GOLGA2: variants seen among roughly 807,000 people sequenced by gnomAD.
GOLGA2 encodes the protein golgin subfamily A member 2.
In GOLGA2, 49 loss-of-function variants were observed where a neutral mutation model predicts 148.8. The ratio of observed to expected loss-of-function variants is 0.33; its 90% confidence interval spans 0.26 to 0.42. The LOEUF is 0.42. Among genes scored for constraint, GOLGA2 ranks in the 10% least tolerant of loss-of-function variants. GOLGA2 has a pLI of 1.00. For missense variants in GOLGA2, 1,178 were observed against 1,304.6 expected (o/e 0.90, Z 1.49); for synonymous variants, 501 against 511.8 (o/e 0.98, Z 0.28).
intron 1 of GOLGA2, chr9:128,275,522 G>C (rs953766859): frequency 7.7e-7 from 1 of 1,302,190 alleles, no homozygotes; most frequent in Non-Finnish European, 9.8e-7. Context: ...GGAGCGGGGG[G>C]CCCCGGGAGT....
Position 128,257,287 on chromosome 9 carries a change from G to A in GOLGA2, c.2876-6C>T, listed in dbSNP as rs779583685. The A allele has an allele frequency of 3.1e-6, 5 of 1,612,018 alleles. No individual in the cohort carries two copies. The highest frequency in any genetic ancestry group is 3.7e-4 in the Middle Eastern group (2 of 5,368). On this transcript the variant is annotated splice_region_variant and splice_polypyrimidine_tract_variant and intron_variant, in intron 26 of 26. Transcript: ENST00000611957. The surrounding 1 kb of genome is among the most constrained non-coding windows in gnomAD (Gnocchi z 8.0). ...GAGGCTCACCTCGCAAAGATCTTTG[G>A]AGAGAGAGAGGCAGGGCTCTGAGTG...
rs1465805844 is a variant in GOLGA2 at position 128,258,590 on chromosome 9, G to A, written c.2174-20C>T. 1.3e-6 allele frequency: 2 copies of A among 1,534,258 alleles called. No homozygotes were observed. The highest frequency in any genetic ancestry group is 1.8e-6 in the Non-Finnish European group (2 of 1,134,366). On this transcript the variant is annotated intron_variant, in intron 21 of 26. Coordinates refer to ENST00000611957, the MANE Select transcript of GOLGA2 (RefSeq NM_001366244.2). The surrounding 1 kb of genome is among the most constrained non-coding windows in gnomAD (Gnocchi z 6.6). ...CATCTCCTATGGGGGTGGCCAGAGGGGTCATCAGACAACCCAACAAGGGTA... is the reference window on the plus strand; with the variant it reads ...CATCTCCTATGGGGGTGGCCAGAGGAGTCATCAGACAACCCAACAAGGGTA...
chr9:128,257,815 C>G lies in GOLGA2; in HGVS notation c.2586G>C (p.Gln862His). 1 of 1,614,122 alleles carries G rather than the reference C, an allele frequency of 6.2e-7. No individual in the cohort carries two copies. The highest frequency in any genetic ancestry group is 8.5e-7 in the Non-Finnish European group (1 of 1,179,956). Reference protein sequence around the residue: ...RVEELEHRCIQLSGETDTIGE... With the variant: ...RVEELEHRCIHLSGETDTIGE... ...CAATGGTGTCTGTCTCTCCAGAAAG[C>G]TGGATGCAGCGATGTTCCAGTTCCT... The change falls in exon 24 of 27, where the codon CAG becomes CAC. Residue 862 changes from glutamine (Q) to histidine (H), a missense_variant. Gln to His is a conservative substitution (Grantham distance 24). Around this residue, in one of 5 missense-constraint regions of GOLGA2, gnomAD observed 38 missense variants for 67.3 expected, o/e 0.56. Coordinates refer to ENST00000611957, the MANE Select transcript of GOLGA2 (RefSeq NM_001366244.2). The surrounding 1 kb of genome is among the most constrained non-coding windows in gnomAD (Gnocchi z 8.0).
At chr9:128,265,067 A>C (rs1230307363) in intron 12 of GOLGA2, among the ~76,000 whole-genome samples, 2 of 152,210 alleles carry the variant, frequency 1.3e-5, no homozygotes, top group Admixed American at 1.3e-4. Context: ...TCTTTTGTTC[A>C]GTTTTTGAAA....
rs754386143 is a variant in GOLGA2 at position 128,260,841 on chromosome 9, C to CA, written c.1421-40dup. On this transcript the variant is annotated intron_variant, in intron 17 of 26. Coordinates refer to ENST00000611957, the MANE Select transcript of GOLGA2 (RefSeq NM_001366244.2). The surrounding 1 kb of genome is among the most constrained non-coding windows in gnomAD (Gnocchi z 4.8). Reference sequence around the variant, plus strand: ...CAGACAATAAAAGCCTCTGGATTCTCAAAAAAACCCTCCTCTTGGTCCATA... The same window carrying CA: ...CAGACAATAAAAGCCTCTGGATTCTCAAAAAAAACCCTCCTCTTGGTCCATA... 3.8e-5 allele frequency: 53 copies of CA among 1,396,830 alleles called. No homozygotes were observed. In the African/African-American group the frequency reaches 4.4e-4, roughly 12 times the overall value. 86.5% of individuals were successfully genotyped at this position (1,396,830 alleles called of 1,614,324 possible). A position where few individuals can be genotyped will look rare whatever the true frequency, so the allele number is the denominator to read the frequency against.
intron 12 of GOLGA2, among the ~76,000 whole-genome samples, chr9:128,264,026 G>A (rs1214773095): frequency 6.7e-6 from 1 of 149,306 alleles, no homozygotes; most frequent in African/African-American, 2.4e-5. Flanking sequence ...TTAGCCAGGC[G>A]TGGTGGCAGG....
At chr9:128,268,051 G>A (rs1433025044) in intron 5 of GOLGA2, 54 bp from the exon 6 acceptor site, 2 of 1,597,132 alleles carry the variant, frequency 1.3e-6, no homozygotes, top group Admixed American at 3.3e-5. Flanking sequence ...GGGAAAGAAG[G>A]TCATGGGCAG....
rs79636387 is a variant in GOLGA2 at position 128,263,312 on chromosome 9, G to A, written c.934-220C>T. On this transcript the variant is annotated intron_variant, in intron 12 of 26. Transcript: ENST00000611957. ...TCTGTCACCCAGGCTGAAGTGCAGTGGTGAGATCTCAGCTCACAACCTCTG... is the reference window on the plus strand; with the variant it reads ...TCTGTCACCCAGGCTGAAGTGCAGTAGTGAGATCTCAGCTCACAACCTCTG... Among the ~76,000 whole-genome samples the A allele has an allele frequency of 3.9e-4, 60 of 152,292 alleles. No homozygotes were observed. The East Asian group carries it at 0.011, about 28-fold the overall frequency.
At chr9:128,273,617 A>G in intron 2 of GOLGA2, 1 of 546,920 alleles carries the variant, frequency 1.8e-6, no homozygotes, top group Non-Finnish European at 3.2e-6. Flanking sequence ...CAACAATAAC[A>G]AATCTCATTT....
intron 19 of GOLGA2, 142 bp downstream of exon 19, chr9:128,259,934 G>C: frequency 1.5e-6 from 1 of 689,236 alleles, no homozygotes; most frequent in Non-Finnish European, 2.6e-6. Flanking sequence ...CAGAGGGCAG[G>C]GAGCAAGAAA....
intron 3 of GOLGA2, 38 bp from the exon 4 acceptor site, chr9:128,268,562 G>T (rs542583571): frequency 1.8e-6 from 2 of 1,119,158 alleles, no homozygotes; most frequent in Admixed American, 1.7e-5. Flanking sequence ...GGGGCCATGC[G>T]GGAGAGGTGC....
In GOLGA2 at chr9:128,258,521, CTCCTCCTCCTCCTCCTCA is replaced by C. The variant is rs751877807; in HGVS notation, c.2205_2222del (p.Asp735_Glu740del). The C allele has an allele frequency of 6.1e-5, 90 of 1,481,656 alleles. No homozygotes were observed. Among genetic ancestry groups the C allele is most frequent in the Non-Finnish European group, 7.4e-5 (82 of 1,114,364 alleles). 91.8% of individuals were successfully genotyped at this position (1,481,656 alleles called of 1,614,324 possible). On this transcript the variant is annotated inframe_deletion, in exon 22 of 27. Coordinates refer to ENST00000611957, the MANE Select transcript of GOLGA2 (RefSeq NM_001366244.2). This position sits in a 1 kb window ranked among gnomAD's most constrained non-coding sequence, Gnocchi z 6.6. ...TGGGCTGAGGTACTGCCACCGCCTC[CTCCTCCTCCTCCTCCTCA>C]TCCTCCTCCTCCTCCCGGTCCAGTC...
At position 128,261,145 on chromosome 9, in the gene GOLGA2, TC is replaced by T; in HGVS notation, c.1420+26del. The T allele has an allele frequency of 2.0e-6, 3 of 1,513,766 alleles. No homozygotes were observed. Among genetic ancestry groups the T allele is most frequent in the Non-Finnish European group, 2.8e-6 (3 of 1,088,912 alleles). The allele number at this position is 1,513,766 out of a possible 1,614,324, so 93.8% of individuals were successfully genotyped here. A position where few individuals can be genotyped will look rare whatever the true frequency, so the allele number is the denominator to read the frequency against. On this transcript the variant is annotated intron_variant, in intron 17 of 26. Transcript: ENST00000611957. The surrounding 1 kb of genome is among the most constrained non-coding windows in gnomAD (Gnocchi z 5.7). ...CACAACCCTCTGACACCATTCCTGC[TC>T]CCAGGTCACCCCAGCCCCAGCTTAC...
chr9:128,266,429 A>G lies in GOLGA2; in HGVS notation c.643-104T>C. ...GGGCCAGGAATGGATTTTAAAGGCA[A>G]AGTTCTCAGACCCAATGGGAACACG... On this transcript the variant is annotated intron_variant, in intron 8 of 26. Transcript: ENST00000611957. This position sits in a 1 kb window ranked among gnomAD's most constrained non-coding sequence, Gnocchi z 4.2. 2 of 963,556 alleles carry G rather than the reference A, an allele frequency of 2.1e-6. No homozygotes were observed. Among genetic ancestry groups the G allele is most frequent in the Non-Finnish European group, 3.3e-6 (2 of 605,688 alleles). The allele number at this position is 963,556 out of a possible 1,614,324, so 59.7% of individuals were successfully genotyped here.
intron 3 of GOLGA2, among the ~76,000 whole-genome samples, chr9:128,270,313 G>C (rs1425308324): frequency 6.6e-6 from 1 of 151,876 alleles, no homozygotes; most frequent in Non-Finnish European, 1.5e-5. Context: ...TGTATTTTTA[G>C]TAGAGATGGG....
chr9:128,274,139 A>G (rs1331001164), intron 1 of GOLGA2, among the ~76,000 whole-genome samples, 167 bp from the exon 2 acceptor site: 1 of 152,172 alleles, frequency 6.6e-6, no homozygotes, highest in Non-Finnish European at 1.5e-5. Context: ...GATTGATACC[A>G]TGGCTTAAAA....
intron 1 of GOLGA2, among the ~76,000 whole-genome samples, chr9:128,274,537 C>T (rs892896172): frequency 3.9e-5 from 6 of 152,236 alleles, no homozygotes; most frequent in Middle Eastern, 3.4e-3. Flanking sequence ...AAATGTGGGC[C>T]GGAACATTAA....
rs938150219 is a variant in GOLGA2 at position 128,275,910 on chromosome 9, C to T, written c.67G>A (p.Ala23Thr). 2 of 1,581,944 alleles carry T rather than the reference C, an allele frequency of 1.3e-6. No homozygotes were observed. Among genetic ancestry groups the T allele is most frequent in the Non-Finnish European group, 8.6e-7 (1 of 1,163,044 alleles). ...MSEETRQSKL[A>T]AAKKKLREYQ... ...CACTTTACCTTTTTCTTCGCTGCGGCCAATTTGCTCTGTCGGGTTTCTTCC... is the reference window on the plus strand; with the variant it reads ...CACTTTACCTTTTTCTTCGCTGCGGTCAATTTGCTCTGTCGGGTTTCTTCC... The change falls in exon 1 of 27, where the codon GCC (alanine) becomes ACC (threonine). Residue 23 changes from alanine (A) to threonine (T), a missense_variant. Physicochemically the swap from Ala to Thr is moderately conservative, Grantham distance 58. Transcript: ENST00000611957.
At position 128,262,962 on chromosome 9, in the gene GOLGA2, A is replaced by G. The variant is rs1428298029; in HGVS notation, c.992+72T>C. On this transcript the variant is annotated intron_variant, in intron 13 of 26. Coordinates refer to ENST00000611957, the MANE Select transcript of GOLGA2 (RefSeq NM_001366244.2). The stretch of plus-strand genomic sequence containing the variant: ...TGACTACCTCATCATGCTTACCTGT[A>G]CCCCCCACCTCCCAGCACACCACCC... 1.4e-5 allele frequency: 14 copies of G among 1,024,474 alleles called. No homozygotes were observed. In the East Asian group the frequency reaches 3.1e-4, roughly 23 times the overall value. 63.5% of individuals were successfully genotyped at this position (1,024,474 alleles called of 1,614,324 possible).
Sources: allele counts gnomAD v4.1 joint callset (sites outside exome capture counted in the v4.1 genomes callset), GRCh38; gene constraint gnomAD v4.1.1; regional missense constraint gnomAD v4.1.1; non-coding constraint Gnocchi (gnomAD v3.1); transcripts MANE v1.5; gene names NCBI Gene and HGNC (gene_info 2026-07-23, HGNC 2026-07-21).